GFY: variants seen among roughly 807,000 people sequenced by gnomAD.
GFY encodes the protein Golgi-associated olfactory signaling regulator.
A neutral mutation model predicts 29.1 loss-of-function variants in GFY; 28 were observed. The ratio of observed to expected loss-of-function variants is 0.96; its 90% CI spans 0.71 to 1.32. The LOEUF (loss-of-function observed/expected upper bound fraction) is 1.32, where lower values mean the gene tolerates loss of function less well. Ranked by LOEUF, GFY falls within the 40% of genes most tolerant of loss-of-function variation. The probability of loss-of-function intolerance (pLI) is 0.00; values close to 1 mark genes in which losing one functional copy is unlikely to be tolerated. For synonymous variants in GFY, 277 were observed against 274.5 expected, an observed-to-expected ratio of 1.01 and a Z score of -0.09; for missense variants, 656 against 661.9, an observed-to-expected ratio of 0.99 and a Z score of 0.10.
At position 49,426,797 on chromosome 19, in the gene GFY, A is replaced by G. The variant is rs748746642; in HGVS notation, c.367A>G (p.Thr123Ala). ...SISESLDMPKTNLSKMAHPES... is the reference protein window; with the variant it reads ...SISESLDMPKANLSKMAHPES... ...ATCAGAATCCCTGGACATGCCCAAA[A>G]CTAACCTCTCCAAAATGGCACACCC... Residue 123 changes from threonine (T) to alanine (A), a missense_variant, in exon 2 of 4, where the codon ACT becomes GCT. Thr to Ala is a moderately conservative substitution (Grantham distance 58). Coordinates refer to ENST00000610896, the MANE Select transcript of GFY (RefSeq NM_001195256.2). The G allele has an allele frequency of 1.3e-6, 2 of 1,535,098 alleles. No homozygotes were observed. Among genetic ancestry groups the G allele is most frequent in the Non-Finnish European group, 1.7e-6 (2 of 1,146,646 alleles).
chr19:49,428,740 G>A lies in GFY; in HGVS notation c.1479G>A (p.Leu493=). The part of the protein sequence containing the change: ...PPPTPPLPPK[L]PPPPRGGRPQ... ...CCACACCTCCTCTGCCACCAAAGCT[G>A]CCCCCGCCGCCCCGCGGGGGTCGCC... Residue 493 remains leucine, a synonymous_variant, in exon 4 of 4, where the codon CTG becomes CTA. Transcript: ENST00000610896. 1 of 1,516,400 alleles carries A rather than the reference G, an allele frequency of 6.6e-7. No individual in the cohort carries two copies. The highest frequency in any genetic ancestry group is 1.2e-5 in the South Asian group (1 of 81,784). 93.9% of individuals were successfully genotyped at this position (1,516,400 alleles called of 1,614,324 possible).
upstream of GFY, chr19:49,423,780 C>T (rs1199807176): frequency 5.7e-6 from 1 of 174,268 alleles, no homozygotes; most frequent in Non-Finnish European, 1.2e-5. Flanking sequence ...AGGACAAAGA[C>T]AGAGTGGCCG....
chr19:49,426,745 C>G lies in GFY; in HGVS notation c.315C>G (p.Pro105=). The G allele has an allele frequency of 1.3e-6, 2 of 1,535,736 alleles. No homozygotes were observed. Among genetic ancestry groups the G allele is most frequent in the Non-Finnish European group, 1.7e-6 (2 of 1,146,770 alleles). The part of the protein sequence containing the change: ...ETPHPESPET[P]KADSLTTSIS... The stretch of plus-strand genomic sequence containing the variant: ...CGCACCCAGAGTCTCCTGAGACCCC[C>G]AAAGCTGACTCACTCACAACCTCAA... The change falls in exon 2 of 4, where the codon CCC becomes CCG. Residue 105 remains proline (P), a synonymous_variant. Coordinates refer to ENST00000610896, the MANE Select transcript of GFY (RefSeq NM_001195256.2).
chr19:49,428,075 G>T lies in GFY; in HGVS notation c.1313G>T (p.Arg438Leu). Residue 438 changes from arginine to leucine, a missense_variant, in exon 3 of 4, where the codon CGG (arginine) becomes CTG (leucine). Transcript: ENST00000610896. ...CTTTACCGCCGGGCAGCTAGACAGCGGCCCTTCGCACATCACCGGCTTCCG... is the reference window on the plus strand; with the variant it reads ...CTTTACCGCCGGGCAGCTAGACAGCTGCCCTTCGCACATCACCGGCTTCCG... ...WCLYRRAARQ[R>L]PFAHHRLPDD... 1 of 1,535,066 alleles carries T rather than the reference G, an allele frequency of 6.5e-7. No homozygotes were observed. Among genetic ancestry groups the T allele is most frequent in the Non-Finnish European group, 8.7e-7 (1 of 1,146,016 alleles).
rs1186067026 is a variant in GFY at position 49,427,481 on chromosome 19, C to A, written c.1051C>A (p.Arg351=). Residue 351 remains arginine, a synonymous_variant, in exon 2 of 4, where the codon CGG becomes AGG. Coordinates refer to ENST00000610896, the MANE Select transcript of GFY (RefSeq NM_001195256.2). The part of the protein sequence containing the change: ...KESNVPPPSA[R]IAGPPALPGR... ...GTCCAACGTCCCTCCTCCCTCAGCCCGGATTGCAGGTCCCCCTGCTCTTCC... is the reference window on the plus strand; with the variant it reads ...GTCCAACGTCCCTCCTCCCTCAGCCAGGATTGCAGGTCCCCCTGCTCTTCC... The A allele has an allele frequency of 1.3e-6, 2 of 1,534,860 alleles. No individual in the cohort carries two copies. Among genetic ancestry groups the A allele is most frequent in the Non-Finnish European group, 1.7e-6 (2 of 1,146,176 alleles).
Position 49,426,908 on chromosome 19 carries a change from A to G in GFY, c.478A>G (p.Thr160Ala). The G allele has an allele frequency of 6.5e-7, 1 of 1,535,668 alleles. No individual in the cohort carries two copies. Among genetic ancestry groups the G allele is most frequent in the Non-Finnish European group, 8.7e-7 (1 of 1,146,792 alleles). ...GACCCCCAAACCTAACTTCTCCAAAACTTCACGCCCAGAATTTCCTGAGAC... is the reference window on the plus strand; with the variant it reads ...GACCCCCAAACCTAACTTCTCCAAAGCTTCACGCCCAGAATTTCCTGAGAC... ...PETPKPNFSK[T>A]SRPEFPETPN... Residue 160 changes from threonine to alanine, a missense_variant, in exon 2 of 4, where the codon ACT (threonine) becomes GCT (alanine). Physicochemically the swap from Thr to Ala is moderately conservative, Grantham distance 58. Coordinates refer to ENST00000610896, the MANE Select transcript of GFY (RefSeq NM_001195256.2).
chr19:49,424,540 A>C (rs935363643), upstream of GFY, among the ~76,000 whole-genome samples: 1 of 144,958 alleles, frequency 6.9e-6, no homozygotes, highest in Non-Finnish European at 1.5e-5. Flanking sequence ...CAGCACACCC[A>C]GTCCACACTG....
Position 49,427,348 on chromosome 19 carries a change from CA to C in GFY, c.921del (p.Lys307AsnfsTer26), listed in dbSNP as rs1975086898. ...CTCTAAATGAGCTGTCCCTGAATCCCAAACCAGGAACACCTGCAGCCATCCA... is the reference window on the plus strand; with the variant it reads ...CTCTAAATGAGCTGTCCCTGAATCCCAACCAGGAACACCTGCAGCCATCCA... Reference protein sequence around the residue: ...TALNELSLNPKPGTPAAIQPD... With the variant: ...TALNELSLNPXPGTPAAIQPD... On this transcript the variant is annotated frameshift_variant, in exon 2 of 4. Coordinates refer to ENST00000610896, the MANE Select transcript of GFY (RefSeq NM_001195256.2). LOFTEE classifies it high-confidence loss of function. 5 of 1,536,114 alleles carry C rather than the reference CA, an allele frequency of 3.3e-6. No individual in the cohort carries two copies. The highest frequency in any genetic ancestry group is 1.4e-5 in the African/African-American group (1 of 73,056).
intron 1 of GFY, 132 bp from the exon 2 acceptor site, chr19:49,426,278 C>G (rs1451074494): frequency 3.6e-6 from 5 of 1,392,632 alleles, no homozygotes; most frequent in Non-Finnish European, 4.7e-6. Flanking sequence ...GGTTCTCTTC[C>G]CATCCCTGGC....
Position 49,428,078 on chromosome 19 carries a change from C to T in GFY, c.1316C>T (p.Pro439Leu). 6.5e-7 allele frequency: 1 copy of T among 1,534,894 alleles called. No individual in the cohort carries two copies. The highest frequency in any genetic ancestry group is 1.4e-5 in the African/African-American group (1 of 73,126). Residue 439 changes from proline (P) to leucine (L), a missense_variant, in exon 3 of 4, where the codon CCC becomes CTC. Coordinates refer to ENST00000610896, the MANE Select transcript of GFY (RefSeq NM_001195256.2). ...TACCGCCGGGCAGCTAGACAGCGGC[C>T]CTTCGCACATCACCGGCTTCCGGAC... The part of the protein sequence containing the change: ...CLYRRAARQR[P>L]FAHHRLPDDG...
chr19:49,428,559 G>T (rs571004137), intron 3 of GFY, 60 bp from the exon 4 acceptor site: 12 of 1,295,486 alleles, frequency 9.3e-6, no homozygotes, highest in Middle Eastern at 1.9e-4. Context: ...CCCTGGAGAT[G>T]ATCTGGAAGG....
chr19:49,426,281 T>TC, intron 1 of GFY, 129 bp from the exon 2 acceptor site: 1 of 1,400,786 alleles, frequency 7.1e-7, no homozygotes, highest in Non-Finnish European at 9.3e-7. Flanking sequence ...TCTCTTCCCA[T>TC]CCCTGGCGCC....
chr19:49,428,545 G>A (rs2078943837), intron 3 of GFY, 74 bp from the exon 4 acceptor site: 1 of 1,170,564 alleles, frequency 8.5e-7, no homozygotes, highest in Admixed American at 3.6e-5. Flanking sequence ...CCGCACAAAA[G>A]CGGCCCTGGA....
At position 49,427,046 on chromosome 19, in the gene GFY, A is replaced by T. The variant is rs1975082661; in HGVS notation, c.616A>T (p.Thr206Ser). The change falls in exon 2 of 4, where the codon ACC (threonine) becomes TCC (serine). Residue 206 changes from threonine (T) to serine (S), a missense_variant. Thr to Ser is a moderately conservative substitution (Grantham distance 58). Coordinates refer to ENST00000610896, the MANE Select transcript of GFY (RefSeq NM_001195256.2). ...ELPETSNTNPTKTPDPKSPEK... is the reference protein window; with the variant it reads ...ELPETSNTNPSKTPDPKSPEK... ...CCCCGAGACCTCAAACACTAACCCT[A>T]CCAAGACCCCTGACCCCAAATCCCC... The T allele has an allele frequency of 1.3e-6, 2 of 1,535,226 alleles. No homozygotes were observed. Among genetic ancestry groups the T allele is most frequent in the South Asian group, 1.2e-5 (1 of 83,980 alleles).
Position 49,427,609 on chromosome 19 carries a change from G to C in GFY, c.1179G>C (p.Glu393Asp). 1 of 1,462,184 alleles carries C rather than the reference G, an allele frequency of 6.8e-7. No individual in the cohort carries two copies. Among genetic ancestry groups the C allele is most frequent in the East Asian group, 2.5e-5 (1 of 40,450 alleles). 90.6% of individuals were successfully genotyped at this position (1,462,184 alleles called of 1,614,324 possible). A position where few individuals can be genotyped will look rare whatever the true frequency, so the allele number is the denominator to read the frequency against. Residue 393 changes from glutamate (E) to aspartate (D), a missense_variant, in exon 2 of 4, where the codon GAG becomes GAC. Glu to Asp is a conservative substitution (Grantham distance 45, BLOSUM62 2). Transcript: ENST00000610896. ...TCATCGTGGTGGAGCGAGTGAAGGAGACCGGTGAGGGGCAGGAGCCGGACT... is the reference window on the plus strand; with the variant it reads ...TCATCGTGGTGGAGCGAGTGAAGGACACCGGTGAGGGGCAGGAGCCGGACT... The part of the protein sequence containing the change: ...NTIIVVERVK[E>D]TGVTLVGRPR...
At position 49,428,033 on chromosome 19, in the gene GFY, T is replaced by C; in HGVS notation, c.1271T>C (p.Phe424Ser). Reference sequence around the variant, plus strand: ...GGGACCGCGCTGCTGATCGGCATCTTTGTGCTGCTGTGGTGTCTTTACCGC... The same window carrying C: ...GGGACCGCGCTGCTGATCGGCATCTCTGTGCTGCTGTGGTGTCTTTACCGC... ...FAGTALLIGI[F>S]VLLWCLYRRA... Residue 424 changes from phenylalanine to serine, a missense_variant, in exon 3 of 4, where the codon TTT becomes TCT. Phe to Ser is a radical substitution (Grantham distance 155, BLOSUM62 -2). Transcript: ENST00000610896. The C allele has an allele frequency of 1.3e-6, 2 of 1,536,026 alleles. No individual in the cohort carries two copies. Among genetic ancestry groups the C allele is most frequent in the Non-Finnish European group, 1.7e-6 (2 of 1,146,794 alleles).
chr19:49,426,248 C>T (rs1975070158), intron 1 of GFY, among the ~76,000 whole-genome samples, 162 bp from the exon 2 acceptor site: 1 of 152,262 alleles, frequency 6.6e-6, no homozygotes. Flanking sequence ...CCCCACAAGC[C>T]TCCAAGGGAC....
chr19:49,426,942 C>T lies in GFY; in HGVS notation c.512C>T (p.Thr171Ile). The change falls in exon 2 of 4, where the codon ACT becomes ATT. Residue 171 changes from threonine to isoleucine, a missense_variant. By Grantham distance (89) the Thr-to-Ile change is moderately conservative (BLOSUM62 -1). Coordinates refer to ENST00000610896, the MANE Select transcript of GFY (RefSeq NM_001195256.2). ...CCAGAATTTCCTGAGACCCCAAACA[C>T]TGACCTTATGCAAACTACACCCCAA... ...SRPEFPETPN[T>I]DLMQTTPQES... 6.5e-7 allele frequency: 1 copy of T among 1,535,980 alleles called. No individual in the cohort carries two copies. The highest frequency in any genetic ancestry group is 8.7e-7 in the Non-Finnish European group (1 of 1,146,886).
rs936622686 is a variant in GFY, at chr19:49,428,608, T to A, written c.1358-11T>A. On this transcript the variant is annotated splice_polypyrimidine_tract_variant and intron_variant, in intron 3 of 3. Transcript: ENST00000610896. ...CAGCCCAGAGATGACCACGCCCCTT[T>A]GCACCCACAGTTCTGCATTTGGACG... 6.8e-7 allele frequency: 1 copy of A among 1,462,720 alleles called. No homozygotes were observed. Among genetic ancestry groups the A allele is most frequent in the Non-Finnish European group, 9.0e-7 (1 of 1,105,128 alleles). The allele number at this position is 1,462,720 out of a possible 1,614,324, so 90.6% of individuals were successfully genotyped here.
Sources: gnomAD v4.1 joint callset for allele counts (sites outside exome capture counted in the v4.1 genomes callset) on GRCh38, gnomAD v4.1.1 for gene constraint, MANE v1.5 for transcripts, NCBI Gene and HGNC (gene_info 2026-07-23, HGNC 2026-07-21) for gene names.